EEFSEC: variants seen among roughly 807,000 people sequenced by gnomAD.
EEFSEC encodes selenocysteine-specific elongation factor.
A neutral mutation model predicts 42.1 loss-of-function variants in EEFSEC; 43 were observed. The ratio of observed to expected loss-of-function variants is 1.02; its 90% CI spans 0.80 to 1.32. The LOEUF (loss-of-function observed/expected upper bound fraction) is 1.32, where lower values mean the gene tolerates loss of function less well. Among genes scored for constraint, EEFSEC ranks in the 40% most tolerant of loss-of-function variants. The probability of loss-of-function intolerance (pLI) is 0.00; values close to 1 mark genes in which losing one functional copy is unlikely to be tolerated. For synonymous variants in EEFSEC, 354 were observed against 339.1 expected (o/e 1.04, Z -0.48); for missense variants, 745 against 803.6 (o/e 0.93, Z 0.88).
intron 6 of EEFSEC, among the ~76,000 whole-genome samples, chr3:128,399,882 T>C (rs2068028956): frequency 6.6e-6 from 1 of 152,076 alleles, no homozygotes. Flanking sequence ...TGCCCTGCCC[T>C]GCTAGCAGGC....
At chr3:128,154,882 A>G (rs1346673743) in intron 1 of EEFSEC, among the ~76,000 whole-genome samples, 1 of 152,246 alleles carries the variant, frequency 6.6e-6, no homozygotes, top group African/African-American at 2.4e-5. Flanking sequence ...GATAATAGAT[A>G]ATAACTGGCT....
In EEFSEC at chr3:128,401,366, G is replaced by A. The variant is rs561028531; in HGVS notation, c.1601-6703G>A. On this transcript the variant is annotated intron_variant, in intron 6 of 6. Transcript: ENST00000254730. ...CTTTGTTTTCATCAAACCTCCCTGA[G>A]CCCGTGTGCTAGGCCCTGCACACAA... is the stretch of plus-strand genomic sequence containing the variant. Among the ~76,000 whole-genome samples, 11 of 152,346 alleles carry A rather than the reference G, an allele frequency of 7.2e-5. No homozygotes were observed. In the East Asian group the frequency reaches 1.4e-3, roughly 19 times the overall value.
intron 1 of EEFSEC, among the ~76,000 whole-genome samples, chr3:128,198,925 A>G (rs1181624303): frequency 1.3e-5 from 2 of 151,630 alleles, no homozygotes; most frequent in South Asian, 2.1e-4. Context: ...TCCACCTCCC[A>G]GGTTCAAGCG....
At chr3:128,422,289 C>A in the EEFSEC span, among the ~76,000 whole-genome samples, 1 of 152,348 alleles carries the variant, frequency 6.6e-6, no homozygotes, top group Non-Finnish European at 1.5e-5. Context: ...CATGGGGCGG[C>A]TCCTGCATAC....
intron 4 of EEFSEC, among the ~76,000 whole-genome samples, chr3:128,327,909 C>T (rs199999855): frequency 1.6e-4 from 25 of 152,158 alleles, no homozygotes; most frequent in African/African-American, 4.8e-4. Context: ...GTGAGGCAGG[C>T]GAACTCTGGG....
intron 1 of EEFSEC, among the ~76,000 whole-genome samples, chr3:128,176,352 G>A (rs576236373): frequency 6.6e-6 from 1 of 152,168 alleles, no homozygotes; most frequent in Non-Finnish European, 1.5e-5. Flanking sequence ...TTGATCGGCT[G>A]TAAAATTGTG....
chr3:128,259,187 T>C (rs148341388), intron 2 of EEFSEC, among the ~76,000 whole-genome samples: 84 of 152,320 alleles, frequency 5.5e-4, no homozygotes, highest in African/African-American at 2.0e-3. Flanking sequence ...TCCCACTGTG[T>C]TGCATGCTAG....
chr3:128,337,809 T>A (rs143296893), intron 4 of EEFSEC, among the ~76,000 whole-genome samples: 8 of 152,332 alleles, frequency 5.3e-5, no homozygotes, highest in African/African-American at 1.9e-4. Context: ...GGAGCAGACG[T>A]GTATCAATGG....
chr3:128,154,106 A>G (rs1402816605), intron 1 of EEFSEC, among the ~76,000 whole-genome samples: 2 of 151,730 alleles, frequency 1.3e-5, no homozygotes, highest in East Asian at 3.9e-4. Context: ...AAATGTGTTT[A>G]TAATACATGG....
At chr3:128,255,373 G>A (rs2066231170) in intron 2 of EEFSEC, among the ~76,000 whole-genome samples, 1 of 152,222 alleles carries the variant, frequency 6.6e-6, no homozygotes, top group South Asian at 2.1e-4. Context: ...ACAGAGGAAA[G>A]CGATTGCAAG....
chr3:128,223,089 C>A (rs2065876468), intron 1 of EEFSEC, among the ~76,000 whole-genome samples: 1 of 152,210 alleles, frequency 6.6e-6, no homozygotes, highest in African/African-American at 2.4e-5. Context: ...GCTAGTAATT[C>A]AATCAGTCAT....
chr3:128,361,914 G>A (rs1576671839), intron 6 of EEFSEC, among the ~76,000 whole-genome samples: 1 of 152,200 alleles, frequency 6.6e-6, no homozygotes, highest in East Asian at 1.9e-4. Context: ...AGCATCACTT[G>A]TAATTCCCAA....
intron 5 of EEFSEC, among the ~76,000 whole-genome samples, chr3:128,345,441 G>A (rs906279113): frequency 3.9e-5 from 6 of 152,144 alleles, no homozygotes; most frequent in Non-Finnish European, 8.8e-5. Flanking sequence ...CCAGCGCAGG[G>A]GCCAGAGAAG....
chr3:128,193,639 C>T (rs928933803), intron 1 of EEFSEC, among the ~76,000 whole-genome samples: 3 of 152,206 alleles, frequency 2.0e-5, no homozygotes, highest in Admixed American at 6.5e-5. Context: ...ACAAATGTCA[C>T]CTTCTGTGAT....
intron 6 of EEFSEC, among the ~76,000 whole-genome samples, chr3:128,376,802 A>G (rs57254810): frequency 0.071 from 10,780 of 152,158 alleles, 786 homozygotes; most frequent in African/African-American, 0.19. Flanking sequence ...GCAGTGTCTC[A>G]TGATTCTTGT....
At chr3:128,192,049 C>T (rs1454913569) in intron 1 of EEFSEC, among the ~76,000 whole-genome samples, 2 of 151,986 alleles carry the variant, frequency 1.3e-5, no homozygotes, top group African/African-American at 4.8e-5. Context: ...TAAAACAGGG[C>T]AGGGCAAAAT....
chr3:128,212,151 G>A (rs1349997315), intron 1 of EEFSEC, among the ~76,000 whole-genome samples: 1 of 152,178 alleles, frequency 6.6e-6, no homozygotes, highest in Non-Finnish European at 1.5e-5. Context: ...GTGAGCCACT[G>A]CGCCCAGCCA....
chr3:128,333,810 A>G (rs542541043), intron 4 of EEFSEC, among the ~76,000 whole-genome samples: 1 of 152,296 alleles, frequency 6.6e-6, no homozygotes, highest in East Asian at 1.9e-4. Context: ...GTAAAGGGAA[A>G]CCAGATCATG....
intron 5 of EEFSEC, among the ~76,000 whole-genome samples, chr3:128,346,566 C>A (rs1395776946): frequency 1.3e-5 from 2 of 152,212 alleles, no homozygotes. Flanking sequence ...ATACCCACTG[C>A]GCCTTAAAAG....
Sources: allele counts gnomAD v4.1 joint callset (sites outside exome capture counted in the v4.1 genomes callset), GRCh38; gene constraint gnomAD v4.1.1; transcripts MANE v1.5; gene names NCBI Gene and HGNC (gene_info 2026-07-23, HGNC 2026-07-21).